Variants in AADACL2 observed in about 807,000 individuals in gnomAD.
The protein encoded by AADACL2 is arylacetamide deacetylase like 2.
AADACL2 carries 23 observed loss-of-function variants against 22.3 expected under a neutral mutation model. The observed-to-expected ratio is 1.03, with a 90% CI of 0.74 to 1.46. The LOEUF is 1.46. AADACL2 is among the 40% of genes most tolerant of loss of function. The probability of loss-of-function intolerance (pLI) is 0.00; values close to 1 mark genes in which losing one functional copy is unlikely to be tolerated. For synonymous variants in AADACL2, 177 were observed against 166.2 expected, an observed-to-expected ratio of 1.07 and a Z score of -0.50; for missense variants, 472 against 482.9, an observed-to-expected ratio of 0.98 and a Z score of 0.21.
At chr3:151,755,306 C>T (rs1713856025) in intron 4 of AADACL2, among the ~76,000 whole-genome samples, 1 of 151,798 alleles carries the variant, frequency 6.6e-6, no homozygotes, top group Non-Finnish European at 1.5e-5. Context: ...AATTCAAAAC[C>T]AAGTAGAAAG....
chr3:151,751,852 C>T (rs1713681367), intron 4 of AADACL2, among the ~76,000 whole-genome samples: 1 of 152,048 alleles, frequency 6.6e-6, no homozygotes, highest in Admixed American at 6.6e-5. Flanking sequence ...TAGGGCAGCA[C>T]AAAAGTGCAC....
chr3:151,759,393 G>A lies in AADACL2; in HGVS notation c.*1799G>A, dbSNP rs1459688054. The stretch of plus-strand genomic sequence containing the variant: ...AATCATTAAAAATGCAGCTCTCTAG[G>A]AAGCACATTTTGTTGATTGTCCTAT... On this transcript the variant is annotated 3_prime_UTR_variant, in exon 5 of 5. Transcript: ENST00000356517. 2 of 152,078 alleles carry A rather than the reference G, an allele frequency of 1.3e-5. No individual in the cohort carries two copies. The highest frequency in any genetic ancestry group is 4.8e-5 in the African/African-American group (2 of 41,420). The allele number at this position is 152,078 out of a possible 1,614,324, so 9.4% of individuals were successfully genotyped here.
chr3:151,749,693 G>GGA (rs1454749874), intron 4 of AADACL2, among the ~76,000 whole-genome samples: 1 of 152,116 alleles, frequency 6.6e-6, no homozygotes, highest in Non-Finnish European at 1.5e-5. Context: ...ATGTTAACCA[G>GGA]GATGGTCTCG....
At chr3:151,755,091 G>C (rs1713841934) in intron 4 of AADACL2, 1 of 151,992 alleles carries the variant, frequency 6.6e-6, no homozygotes, top group African/African-American at 2.4e-5. Flanking sequence ...ACTTGTTACT[G>C]TTTCTCGGAT....
At chr3:151,744,197 T>A in intron 3 of AADACL2, 35 bp downstream of exon 3, 1 of 1,608,902 alleles carries the variant, frequency 6.2e-7, no homozygotes, top group Non-Finnish European at 8.5e-7. Context: ...CTATGATTTT[T>A]GCCTTTACCA....
At position 151,761,206 on chromosome 3, in the gene AADACL2, TATATA is replaced by T. The variant is rs1417978519; in HGVS notation, c.*3613_*3617del. On this transcript the variant is annotated 3_prime_UTR_variant, in exon 5 of 5. Coordinates refer to ENST00000356517, the MANE Select transcript of AADACL2 (RefSeq NM_207365.4). ...ATGGTGAGATATATACATATTGTGA[TATATA>T]TATATATATATATATATATATATAT... The T allele has an allele frequency of 2.3e-5, 1 of 44,030 alleles. No individual in the cohort carries two copies. The highest frequency in any genetic ancestry group is 1.0e-4 in the African/African-American group (1 of 9,656). The allele number at this position is 44,030 out of a possible 1,614,324, so 2.7% of individuals were successfully genotyped here.
At chr3:151,737,834 G>C (rs938470189) in intron 1 of AADACL2, among the ~76,000 whole-genome samples, 1 of 151,362 alleles carries the variant, frequency 6.6e-6, no homozygotes, top group Non-Finnish European at 1.5e-5. Context: ...CCTTTATTTT[G>C]AGCCTATGTG....
chr3:151,751,662 G>A (rs28580574), intron 4 of AADACL2, among the ~76,000 whole-genome samples: 32,755 of 151,830 alleles, frequency 0.22, 3,966 homozygotes, highest in African/African-American at 0.33. Context: ...CAACATGGGT[G>A]ACAGAGGAAG....
At position 151,757,792 on chromosome 3, in the gene AADACL2, C is replaced by A. The variant is rs1175353186; in HGVS notation, c.*198C>A. The A allele has an allele frequency of 2.2e-6, 1 of 448,084 alleles. No individual in the cohort carries two copies. Among genetic ancestry groups the A allele is most frequent in the Non-Finnish European group, 3.8e-6 (1 of 263,194 alleles). 27.8% of individuals were successfully genotyped at this position (448,084 alleles called of 1,614,324 possible). A position where few individuals can be genotyped will look rare whatever the true frequency, so the allele number is the denominator to read the frequency against. ...AATATGTAAAATGTATGTAATCCTGCCTATTTTCTCCTTACTTATAATTTA... is the reference window on the plus strand; with the variant it reads ...AATATGTAAAATGTATGTAATCCTGACTATTTTCTCCTTACTTATAATTTA... On this transcript the variant is annotated 3_prime_UTR_variant, in exon 5 of 5. Transcript: ENST00000356517.
chr3:151,754,157 C>A (rs781334666), intron 4 of AADACL2, among the ~76,000 whole-genome samples: 4 of 152,062 alleles, frequency 2.6e-5, no homozygotes, highest in Admixed American at 6.6e-5. Flanking sequence ...TTTCAGCCAC[C>A]ACTCCCAATT....
In AADACL2 at chr3:151,734,153, G is replaced by A. The variant is rs912291244; in HGVS notation, c.118G>A (p.Ala40Thr). ...GAAAATAATGGCCTTGGATGCCATC[G>A]CTAAAACTTGTACATTTACGGTAAG... ...SWKIMALDAI[A>T]KTCTFTAMCF... Residue 40 changes from alanine to threonine, a missense_variant, in exon 1 of 5, where the codon GCT (alanine) becomes ACT (threonine). By Grantham distance (58) the Ala-to-Thr change is moderately conservative. This residue lies in a region of AADACL2 where 356 missense variants were observed against 365.5 expected (regional missense o/e 0.97). Coordinates refer to ENST00000356517, the MANE Select transcript of AADACL2 (RefSeq NM_207365.4). The A allele has an allele frequency of 1.3e-5, 21 of 1,612,824 alleles. No homozygotes were observed. In the Admixed American group the frequency reaches 1.5e-4, roughly 12 times the overall value.
At position 151,757,520 on chromosome 3, in the gene AADACL2, A is replaced by C. The variant is rs780878031; in HGVS notation, c.1132A>C (p.Thr378Pro). 1 of 1,613,520 alleles carries C rather than the reference A, an allele frequency of 6.2e-7. No individual in the cohort carries two copies. Among genetic ancestry groups the C allele is most frequent in the South Asian group, 1.1e-5 (1 of 91,046 alleles). The change falls in exon 5 of 5, where the codon ACT (threonine) becomes CCT (proline). Residue 378 changes from threonine (T) to proline (P), a missense_variant. Transcript: ENST00000356517. ...DGIHGALSFM[T>P]SPFYLRLGLR... ...AATTCATGGAGCTTTATCATTCATG[A>C]CTTCACCATTTTATTTACGTCTAGG...
chr3:151,744,264 T>C (rs1319680703), intron 3 of AADACL2, 102 bp downstream of exon 3: 2 of 1,070,000 alleles, frequency 1.9e-6, no homozygotes, highest in African/African-American at 1.6e-5. Context: ...ATTTTTTAAA[T>C]TAATATATTT....
chr3:151,755,910 A>G (rs1375308411), intron 4 of AADACL2, among the ~76,000 whole-genome samples: 4 of 152,148 alleles, frequency 2.6e-5, no homozygotes, highest in Non-Finnish European at 5.9e-5. Flanking sequence ...TTTGGGATCT[A>G]GGAAAGTTTC....
chr3:151,747,589 G>A lies in AADACL2; in HGVS notation c.603+1909G>A, dbSNP rs898180934. Among the ~76,000 whole-genome samples, 7 of 151,666 alleles carry A rather than the reference G, an allele frequency of 4.6e-5. No homozygotes were observed. In the South Asian group the frequency reaches 8.3e-4, roughly 18 times the overall value. On this transcript the variant is annotated intron_variant, in intron 4 of 4. Coordinates refer to ENST00000356517, the MANE Select transcript of AADACL2 (RefSeq NM_207365.4). ...CAATGACAGGATTTTCTTCTTTCTG[G>A]AGGCTGAATAATATTCCATTGTGTG...
In AADACL2 at chr3:151,740,679, T is replaced by C; in HGVS notation, c.172T>C (p.Tyr58His). 1 of 1,613,478 alleles carries C rather than the reference T, an allele frequency of 6.2e-7. No individual in the cohort carries two copies. Among genetic ancestry groups the C allele is most frequent in the East Asian group, 2.2e-5 (1 of 44,806 alleles). Reference protein sequence around the residue: ...MCFENMRIMRYEEFISMIFRL... With the variant: ...MCFENMRIMRHEEFISMIFRL... ...TTTTGAAAATATGCGTATTATGAGA[T>C]ATGAAGAGTTTATATCCATGATATT... Residue 58 changes from tyrosine (Y) to histidine (H), a missense_variant, in exon 2 of 5, where the codon TAT becomes CAT. Physicochemically the swap from Tyr to His is moderately conservative, Grantham distance 83. Coordinates refer to ENST00000356517, the MANE Select transcript of AADACL2 (RefSeq NM_207365.4).
rs1439764193 is a variant in AADACL2 at position 151,745,520 on chromosome 3, C to G, written c.443C>G (p.Ala148Gly). Residue 148 changes from alanine (A) to glycine (G), a missense_variant, in exon 4 of 5, where the codon GCT becomes GGT. Around this residue, in one of 3 missense-constraint regions of AADACL2, gnomAD observed 356 missense variants for 365.5 expected, o/e 0.97. Coordinates refer to ENST00000356517, the MANE Select transcript of AADACL2 (RefSeq NM_207365.4). ...TTCTTTCTTTAAAGCTATAGGCTGG[C>G]TCCTCAACACCACTTTCCTGCTCAG... ...AVVVGVDYRL[A>G]PQHHFPAQFE... 6.2e-7 allele frequency: 1 copy of G among 1,612,696 alleles called. No homozygotes were observed.
At chr3:151,754,583 GT>G (rs1477087068) in intron 4 of AADACL2, among the ~76,000 whole-genome samples, 1 of 152,080 alleles carries the variant, frequency 6.6e-6, no homozygotes, top group African/African-American at 2.4e-5. Context: ...TGAAAATAAA[GT>G]TCATTGTTGA....
Position 151,761,074 on chromosome 3 carries a change from GT to G in AADACL2, c.*3484del, listed in dbSNP as rs1162598899. The G allele has an allele frequency of 2.7e-5, 4 of 149,014 alleles. No individual in the cohort carries two copies. The highest frequency in any genetic ancestry group is 4.4e-5 in the Non-Finnish European group (3 of 67,470). 9.2% of individuals were successfully genotyped at this position (149,014 alleles called of 1,614,324 possible). A position where few individuals can be genotyped will look rare whatever the true frequency, so the allele number is the denominator to read the frequency against. The stretch of plus-strand genomic sequence containing the variant: ...GCTTAGGACTCCAACATATAGATAT[GT>G]TTTATATATATGGTGAGATATATAT... On this transcript the variant is annotated 3_prime_UTR_variant, in exon 5 of 5. Transcript: ENST00000356517.
Sources: allele counts gnomAD v4.1 joint callset (sites outside exome capture counted in the v4.1 genomes callset), GRCh38; gene constraint gnomAD v4.1.1; regional missense constraint gnomAD v4.1.1; transcripts MANE v1.5; gene names NCBI Gene and HGNC (gene_info 2026-07-23, HGNC 2026-07-21).